INPP4B: variants seen among roughly 807,000 people sequenced by gnomAD.
The protein encoded by INPP4B is inositol polyphosphate-4-phosphatase type II B, also known as inositol polyphosphate 4-phosphatase type II.
Under a neutral mutation model 122.5 loss-of-function variants are expected in INPP4B, and 55 were observed. The ratio of observed to expected loss-of-function variants is 0.45; its 90% CI spans 0.36 to 0.56. The LOEUF (loss-of-function observed/expected upper bound fraction) is 0.56. Among genes scored for constraint, INPP4B ranks in the 20% least tolerant of loss-of-function variants. The pLI is 0.00. For missense variants in INPP4B, 1,000 were observed against 1,097.7 expected (o/e 0.91, Z 1.26); for synonymous variants, 403 against 388.7 (o/e 1.04, Z -0.43).
chr4:142,190,714 A>AAC (rs1554001483), intron 15 of INPP4B, among the ~76,000 whole-genome samples: 2 of 137,416 alleles, frequency 1.5e-5, no homozygotes, highest in Non-Finnish European at 3.2e-5. Context: ...CAAGATCTGT[A>AAC]AGAGTGTGTG....
At chr4:142,520,832 G>A (rs906460756) in intron 2 of INPP4B, among the ~76,000 whole-genome samples, 2 of 151,826 alleles carry the variant, frequency 1.3e-5, no homozygotes, top group African/African-American at 4.8e-5. Context: ...AATAAATGAA[G>A]GACAGATGTC....
Position 142,558,793 on chromosome 4 carries a change from TAAAAA to T in INPP4B, c.-190-96072_-190-96068del, listed in dbSNP as rs34151070. Among the ~76,000 whole-genome samples, 522 of 75,518 alleles carry T rather than the reference TAAAAA, an allele frequency of 6.9e-3. 5 individuals are homozygous for T. The highest frequency in any genetic ancestry group is 0.025 in the African/African-American group (502 of 19,792). 49.5% of individuals were successfully genotyped at this position (75,518 alleles called of 152,430 possible). ...CTGGGCGACAGAGCAAGACTCCCTCTAAAAAAAAAAAAAAAAAAAAAAAAAAAAAA... is the reference window on the plus strand; with the variant it reads ...CTGGGCGACAGAGCAAGACTCCCTCTAAAAAAAAAAAAAAAAAAAAAAAAA... On this transcript the variant is annotated intron_variant, in intron 2 of 25. Transcript: ENST00000262992.
intron 12 of INPP4B, among the ~76,000 whole-genome samples, chr4:142,223,690 T>G (rs967215521): frequency 6.6e-6 from 1 of 151,830 alleles, no homozygotes; most frequent in African/African-American, 2.4e-5. Context: ...ATACTAGGAG[T>G]TGGTAGGGCA....
chr4:142,652,991 A>AACCAAAACAGCATGGTACTGGT, intron 2 of INPP4B, among the ~76,000 whole-genome samples: 1 of 152,358 alleles, frequency 6.6e-6, no homozygotes, highest in South Asian at 2.1e-4. Context: ...AGGCTACAGT[A>AACCAAAACAGCATGGTACTGGT]ACCAAAACAG....
At chr4:142,445,594 A>G (rs552491901) in intron 3 of INPP4B, among the ~76,000 whole-genome samples, 28 of 152,210 alleles carry the variant, frequency 1.8e-4, no homozygotes, top group Non-Finnish European at 4.0e-4. Context: ...AGACAAATCC[A>G]CAATACTTGA....
intron 7 of INPP4B, among the ~76,000 whole-genome samples, chr4:142,328,491 G>C (rs934504482): frequency 6.6e-6 from 1 of 152,142 alleles, no homozygotes; most frequent in Non-Finnish European, 1.5e-5. Context: ...CCAGTGTACA[G>C]TGGAGTTTTC....
At chr4:142,341,057 T>C (rs76695104) in intron 7 of INPP4B, among the ~76,000 whole-genome samples, 38 of 152,336 alleles carry the variant, frequency 2.5e-4, no homozygotes, top group African/African-American at 9.1e-4. Context: ...AGTTAAACTT[T>C]TTAACAGAAG....
At chr4:142,107,411 C>T (rs1787712162) in intron 23 of INPP4B, among the ~76,000 whole-genome samples, 2 of 152,098 alleles carry the variant, frequency 1.3e-5, no homozygotes, top group Non-Finnish European at 2.9e-5. Flanking sequence ...GTGAATATCT[C>T]AACATATTTA....
intron 9 of INPP4B, among the ~76,000 whole-genome samples, chr4:142,298,470 AG>A (rs1432168229): frequency 6.6e-6 from 1 of 151,842 alleles, no homozygotes; most frequent in Non-Finnish European, 1.5e-5. Flanking sequence ...GTAGATCACG[AG>A]GTCAGGAGAT....
chr4:142,480,891 T>A (rs1239092248), intron 2 of INPP4B, among the ~76,000 whole-genome samples: 1 of 151,810 alleles, frequency 6.6e-6, no homozygotes, highest in African/African-American at 2.4e-5. Flanking sequence ...GAAAAGGGAA[T>A]GTCTAAGGGT....
Position 142,145,877 on chromosome 4 carries a change from T to G in INPP4B, c.1683A>C (p.Glu561Asp). ...GSGGNNDGEKEPSLTDAIPSH... is the reference protein window; with the variant it reads ...GSGGNNDGEKDPSLTDAIPSH... Reference sequence around the variant, plus strand: ...AGGGAATGGCATCTGTTAATGAAGGTTCCTTTTCTCCATCATTGTTGCCGC... The same window carrying G: ...AGGGAATGGCATCTGTTAATGAAGGGTCCTTTTCTCCATCATTGTTGCCGC... The change falls in exon 18 of 26, where the codon GAA becomes GAC. Residue 561 changes from glutamate to aspartate, a missense_variant. Glu to Asp is a conservative substitution (Grantham distance 45, BLOSUM62 2). Transcript: ENST00000262992. 6.2e-7 allele frequency: 1 copy of G among 1,613,786 alleles called. No individual in the cohort carries two copies. The highest frequency in any genetic ancestry group is 8.5e-7 in the Non-Finnish European group (1 of 1,179,778).
intron 2 of INPP4B, among the ~76,000 whole-genome samples, chr4:142,477,585 CA>C (rs1206274791): frequency 6.6e-6 from 1 of 151,774 alleles, no homozygotes; most frequent in Admixed American, 6.6e-5. Flanking sequence ...TAAGAAACAA[CA>C]AAGGAGACAT....
chr4:142,688,741 C>T (rs921210454), intron 2 of INPP4B, among the ~76,000 whole-genome samples: 3 of 152,160 alleles, frequency 2.0e-5, no homozygotes, highest in African/African-American at 7.2e-5. Context: ...CTAACAAATT[C>T]GCCATAAGAT....
chr4:142,841,288 T>C (rs1455956568), intron 1 of INPP4B, among the ~76,000 whole-genome samples: 1 of 152,004 alleles, frequency 6.6e-6, no homozygotes, highest in Non-Finnish European at 1.5e-5. Context: ...CTGGTTTTAG[T>C]CCTACTTTAT....
intron 7 of INPP4B, among the ~76,000 whole-genome samples, chr4:142,365,186 A>G (rs1786987500): frequency 6.6e-6 from 1 of 152,138 alleles, no homozygotes; most frequent in African/African-American, 2.4e-5. Flanking sequence ...TATGCCTAGG[A>G]TCTTGTTAAG....
rs576146706 is a variant in INPP4B, at chr4:142,190,376, G to A, written c.1181+2711C>T. Among the ~76,000 whole-genome samples the A allele has an allele frequency of 4.4e-4, 67 of 152,042 alleles. No individual in the cohort carries two copies. The South Asian group carries it at 0.012, about 28-fold the overall frequency. On this transcript the variant is annotated intron_variant, in intron 15 of 25. Transcript: ENST00000262992. ...CTTCTATACATTGCTGTTGACTGAC[G>A]TGCAATATTTGTTGCTGAAAAAGCC...
At chr4:142,546,430 T>C (rs1403185916) in intron 2 of INPP4B, among the ~76,000 whole-genome samples, 1 of 152,104 alleles carries the variant, frequency 6.6e-6, no homozygotes, top group Admixed American at 6.6e-5. Flanking sequence ...AATTGTATAT[T>C]TGATAGAGTA....
intron 2 of INPP4B, among the ~76,000 whole-genome samples, chr4:142,689,910 T>C (rs1174319197): frequency 1.3e-5 from 2 of 152,200 alleles, no homozygotes; most frequent in Non-Finnish European, 2.9e-5. Flanking sequence ...TCATGCAATT[T>C]AAAAAGTCAA....
intron 7 of INPP4B, among the ~76,000 whole-genome samples, chr4:142,318,180 T>C (rs1191143436): frequency 4.6e-5 from 7 of 151,806 alleles, no homozygotes; most frequent in Admixed American, 4.6e-4. Context: ...AAACAGTACG[T>C]GACCCAGAGA....
Sources: gnomAD v4.1 joint callset for allele counts (sites outside exome capture counted in the v4.1 genomes callset) on GRCh38, gnomAD v4.1.1 for gene constraint, MANE v1.5 for transcripts, NCBI Gene and HGNC (gene_info 2026-07-23, HGNC 2026-07-21) for gene names.